Variants in HIPK2 observed in about 807,000 individuals in gnomAD.
HIPK2 encodes homeodomain interacting protein kinase 2, also known as homeodomain-interacting protein kinase 2.
A neutral mutation model predicts 113.7 loss-of-function variants in HIPK2; 27 were observed. That is an observed-to-expected ratio of 0.24 (90% CI 0.17 to 0.33). The LOEUF is 0.33. Ranked by LOEUF, HIPK2 falls within the 10% of genes least tolerant of loss-of-function variation. The pLI, the probability that HIPK2 is intolerant of heterozygous loss-of-function variation, is 1.00. For missense variants in HIPK2, 1,257 were observed against 1,588.0 expected (o/e 0.79, Z 3.54); for synonymous variants, 631 against 642.2 (o/e 0.98, Z 0.26).
At chr7:139,627,792 C>T (rs568521582) in intron 5 of HIPK2, among the ~76,000 whole-genome samples, 2 of 152,282 alleles carry the variant, frequency 1.3e-5, no homozygotes, top group South Asian at 4.1e-4. Flanking sequence ...AATTTTCACA[C>T]TAAAAATAGC....
chr7:139,629,110 C>T (rs1800527990), intron 4 of HIPK2, 71 bp from the exon 5 acceptor site: 1 of 1,236,594 alleles, frequency 8.1e-7, no homozygotes, highest in Admixed American at 2.0e-5. Context: ...AGCCTTGGAA[C>T]TCCTGTGTCT....
chr7:139,751,194 G>A (rs973102800), intron 1 of HIPK2, among the ~76,000 whole-genome samples: 1 of 129,974 alleles, frequency 7.7e-6, no homozygotes, highest in African/African-American at 4.2e-5. Context: ...TTAGAGAATA[G>A]TATAGTTAAA....
chr7:139,679,904 T>TAAA (rs1361507623), intron 2 of HIPK2, among the ~76,000 whole-genome samples: 1 of 151,898 alleles, frequency 6.6e-6, no homozygotes, highest in African/African-American at 2.4e-5. Flanking sequence ...TTAAAATAAA[T>TAAA]ATTTAACATC....
chr7:139,573,144 G>A lies in HIPK2; in HGVS notation c.3380C>T (p.Ala1127Val), dbSNP rs1449763097. The A allele has an allele frequency of 1.4e-5, 23 of 1,611,022 alleles. No individual in the cohort carries two copies. The highest frequency in any genetic ancestry group is 1.7e-5 in the Non-Finnish European group (20 of 1,179,230). The change falls in exon 15 of 15, where the codon GCG (alanine) becomes GTG (valine). Residue 1127 changes from alanine (A) to valine (V), a missense_variant. Coordinates refer to ENST00000406875, the MANE Select transcript of HIPK2 (RefSeq NM_022740.5). ...GGCAGTGTGCTGCACGGTGTGGCGC[G>A]CAGAGCCTTGCGAGGCCACCAGGTG... is the stretch of plus-strand genomic sequence containing the variant. ...VAHLVASQGS[A>V]RHTVQHTAYP... is the part of the protein sequence containing the mutation.
chr7:139,721,338 C>G (rs1046904820), intron 1 of HIPK2, among the ~76,000 whole-genome samples: 3 of 152,220 alleles, frequency 2.0e-5, no homozygotes, highest in Non-Finnish European at 4.4e-5. Flanking sequence ...TTAAAATAAT[C>G]TTATGGCAAC....
intron 2 of HIPK2, among the ~76,000 whole-genome samples, chr7:139,694,079 A>G (rs981241134): frequency 4.6e-5 from 7 of 152,252 alleles, no homozygotes; most frequent in African/African-American, 1.7e-4. Context: ...TAAATCATCA[A>G]GAAAGGTTAA....
intron 9 of HIPK2, among the ~76,000 whole-genome samples, chr7:139,608,687 C>T (rs928143657): frequency 1.3e-5 from 2 of 152,038 alleles, no homozygotes; most frequent in Non-Finnish European, 2.9e-5. Context: ...CAGGATCAGG[C>T]ATTGGTGGTA....
intron 2 of HIPK2, among the ~76,000 whole-genome samples, chr7:139,657,604 CAA>C (rs1801717463): frequency 6.6e-6 from 1 of 152,174 alleles, no homozygotes; most frequent in African/African-American, 2.4e-5. Flanking sequence ...TATCTCTGCA[CAA>C]TGTTCAGTTT....
chr7:139,773,384 T>C (rs560449791), intron 1 of HIPK2, among the ~76,000 whole-genome samples: 1 of 152,326 alleles, frequency 6.6e-6, no homozygotes, highest in East Asian at 1.9e-4. Context: ...GCCTTTCAAG[T>C]TCACATCCCA....
chr7:139,773,301 T>C (rs924384940), intron 1 of HIPK2, among the ~76,000 whole-genome samples: 4 of 152,206 alleles, frequency 2.6e-5, no homozygotes, highest in Non-Finnish European at 5.9e-5. Flanking sequence ...GATCTGCCTA[T>C]ACTGTAGGTT....
intron 12 of HIPK2, among the ~76,000 whole-genome samples, chr7:139,586,629 G>A (rs1798839265): frequency 6.6e-6 from 1 of 151,874 alleles, no homozygotes; most frequent in Admixed American, 6.6e-5. Flanking sequence ...AATAAGCAAA[G>A]TATGGTGGTG....
intron 12 of HIPK2, among the ~76,000 whole-genome samples, chr7:139,588,654 G>A (rs957918818): frequency 5.3e-5 from 8 of 152,200 alleles, no homozygotes; most frequent in African/African-American, 1.9e-4. Context: ...GGAGGGATCT[G>A]AAAGCAGGGA....
At chr7:139,641,958 TCTCA>T (rs1801040917) in intron 2 of HIPK2, among the ~76,000 whole-genome samples, 1 of 150,146 alleles carries the variant, frequency 6.7e-6, no homozygotes, top group Non-Finnish European at 1.5e-5. Context: ...TGATTATTAA[TCTCA>T]CTTTTTCTCT....
intron 2 of HIPK2, among the ~76,000 whole-genome samples, chr7:139,707,336 G>A (rs867494633): frequency 2.0e-5 from 3 of 152,270 alleles, no homozygotes; most frequent in Non-Finnish European, 2.9e-5. Flanking sequence ...GGCTCCATCC[G>A]GCACTGGCCG....
intron 1 of HIPK2, among the ~76,000 whole-genome samples, chr7:139,763,549 G>C (rs1199910029): frequency 1.4e-5 from 2 of 138,674 alleles, no homozygotes; most frequent in African/African-American, 5.6e-5. Context: ...TACAACTTCA[G>C]TAACGGCGGC....
In HIPK2 at chr7:139,613,707, C is replaced by T. The variant is rs75697208; in HGVS notation, c.1991-384G>A. 2.6e-4 allele frequency among the ~76,000 whole-genome samples: 39 copies of T among 152,278 alleles called. No individual in the cohort carries two copies. Among genetic ancestry groups the T allele is most frequent in the African/African-American group, 8.9e-4 (37 of 41,562 alleles). ...CATTTGGAATTGCATTGACTGTAAC[C>T]ACACAGTTTACACCATGAGGCTTGC... On this transcript the variant is annotated intron_variant, in intron 8 of 14. Transcript: ENST00000406875. The surrounding 1 kb of genome is among the most constrained non-coding windows in gnomAD (Gnocchi z 4.2).
intron 12 of HIPK2, among the ~76,000 whole-genome samples, chr7:139,587,733 C>G: frequency 6.6e-6 from 1 of 151,984 alleles, no homozygotes; most frequent in Non-Finnish European, 1.5e-5. Flanking sequence ...AAAACATTAG[C>G]TAGGCATGGT....
chr7:139,711,457 A>T (rs1366737643), intron 2 of HIPK2, among the ~76,000 whole-genome samples: 5 of 152,124 alleles, frequency 3.3e-5, no homozygotes, highest in Non-Finnish European at 7.4e-5. Flanking sequence ...ATTCTGAAAA[A>T]GTGGATTATT....
intron 1 of HIPK2, among the ~76,000 whole-genome samples, chr7:139,718,893 C>T (rs1028038224): frequency 3.9e-5 from 6 of 152,200 alleles, no homozygotes; most frequent in African/African-American, 1.4e-4. Context: ...ATGCCCACAT[C>T]TTAATCCATC....
Sources: gnomAD v4.1 joint callset for allele counts (sites outside exome capture counted in the v4.1 genomes callset) on GRCh38, gnomAD v4.1.1 for gene constraint, Gnocchi (gnomAD v3.1) non-coding constraint, MANE v1.5 for transcripts, NCBI Gene and HGNC (gene_info 2026-07-23, HGNC 2026-07-21) for gene names.